Variants in DENND4A observed in about 807,000 individuals in gnomAD.
DENND4A encodes the protein DENN domain containing 4A, also known as C-myc promoter-binding protein.
Under a neutral mutation model 199.3 loss-of-function variants are expected in DENND4A, and 70 were observed. The ratio of observed to expected loss-of-function variants is 0.35; its 90% CI spans 0.29 to 0.43. DENND4A has a LOEUF of 0.43. Ranked by LOEUF, DENND4A falls within the 20% of genes least tolerant of loss-of-function variation. The pLI is 1.00. For missense variants in DENND4A, 1,723 were observed against 2,255.8 expected, an observed-to-expected ratio of 0.76 and a Z score of 4.78; for synonymous variants, 686 against 766.9, an observed-to-expected ratio of 0.89 and a Z score of 1.74.
intron 1 of DENND4A, among the ~76,000 whole-genome samples, chr15:65,776,745 C>T (rs904414328): frequency 6.6e-6 from 1 of 152,060 alleles, no homozygotes; most frequent in Non-Finnish European, 1.5e-5. Context: ...GAACCATGAG[C>T]GAATATATGA....
At chr15:65,720,018 T>C (rs1259446099) in intron 12 of DENND4A, among the ~76,000 whole-genome samples, 2 of 152,208 alleles carry the variant, frequency 1.3e-5, no homozygotes, top group Non-Finnish European at 1.5e-5. Flanking sequence ...TCTGAGGAAC[T>C]GTTCAGAAGG....
intron 1 of DENND4A, among the ~76,000 whole-genome samples, chr15:65,766,112 A>G (rs564343784): frequency 6.6e-6 from 1 of 152,134 alleles, no homozygotes; most frequent in East Asian, 1.9e-4. Context: ...TTAGCCGGAT[A>G]TGGTGGTGCA....
intron 12 of DENND4A, among the ~76,000 whole-genome samples, chr15:65,721,430 G>T (rs553741285): frequency 6.0e-4 from 91 of 151,916 alleles, no homozygotes; most frequent in African/African-American, 2.1e-3. Flanking sequence ...TGCTTATGTT[G>T]TACCTAAACA....
intron 14 of DENND4A, among the ~76,000 whole-genome samples, chr15:65,714,448 T>C (rs1238830017): frequency 6.6e-6 from 1 of 151,830 alleles, no homozygotes; most frequent in African/African-American, 2.4e-5. Flanking sequence ...AAAAACTTTA[T>C]TATCTTTAAT....
At chr15:65,715,165 C>T (rs2140251680) in intron 14 of DENND4A, 1 of 197,686 alleles carries the variant, frequency 5.1e-6, no homozygotes, top group Non-Finnish European at 1.0e-5. Flanking sequence ...GTGAAAATCA[C>T]AGACGTTCAA....
chr15:65,791,280 A>C (rs1006866760), intron 1 of DENND4A, among the ~76,000 whole-genome samples: 96 of 152,102 alleles, frequency 6.3e-4, no homozygotes, highest in Non-Finnish European at 2.8e-4. Context: ...AGCACATTGG[A>C]ACAACAACAA....
At chr15:65,740,933 G>C (rs1379278898) in intron 5 of DENND4A, among the ~76,000 whole-genome samples, 2 of 151,958 alleles carry the variant, frequency 1.3e-5, no homozygotes, top group Admixed American at 6.6e-5. Flanking sequence ...CTGTACTCCA[G>C]CCTGAGCAAC....
At chr15:65,756,070 A>G in intron 3 of DENND4A, 70 bp downstream of exon 3, 1 of 1,318,384 alleles carries the variant, frequency 7.6e-7, no homozygotes. Flanking sequence ...CAGAATGAAC[A>G]GTTAATCTCC....
intron 1 of DENND4A, among the ~76,000 whole-genome samples, chr15:65,790,696 C>T (rs140649604): frequency 6.6e-6 from 1 of 152,016 alleles, no homozygotes; most frequent in Admixed American, 6.6e-5. Context: ...AAAAAAGAAG[C>T]CAAATATAAT....
intron 5 of DENND4A, among the ~76,000 whole-genome samples, chr15:65,740,653 T>C (rs1340182478): frequency 6.7e-6 from 1 of 148,648 alleles, no homozygotes; most frequent in Non-Finnish European, 1.5e-5. Flanking sequence ...AAAAAGGTGA[T>C]AAATTGTAGA....
chr15:65,687,292 G>T (rs949565681), intron 23 of DENND4A, among the ~76,000 whole-genome samples: 6 of 152,060 alleles, frequency 3.9e-5, no homozygotes, highest in Non-Finnish European at 7.4e-5. Context: ...TGTGGGGTAA[G>T]TTCCTTTACT....
rs959599783 is a variant in DENND4A, at chr15:65,789,564, T to C, written c.-102+2446A>G. ...CAGCTATTCTCAGTCACTCTTCTTC[T>C]ACCTGTGGTAGGAAAAAGGAAAAAT... is the stretch of plus-strand genomic sequence containing the variant. On this transcript the variant is annotated intron_variant, in intron 1 of 32. Coordinates refer to ENST00000443035, the MANE Select transcript of DENND4A (RefSeq NM_001320835.1). Among the ~76,000 whole-genome samples, 5 of 151,452 alleles carry C rather than the reference T, an allele frequency of 3.3e-5. No individual in the cohort carries two copies. In the South Asian group the frequency reaches 6.3e-4, roughly 19 times the overall value.
intron 24 of DENND4A, among the ~76,000 whole-genome samples, chr15:65,675,162 G>A (rs756746412): frequency 3.9e-5 from 6 of 152,158 alleles, no homozygotes; most frequent in Admixed American, 6.5e-5. Context: ...GTATGGCCCT[G>A]AGCTAAGAGT....
chr15:65,780,812 G>A (rs1429045568), intron 1 of DENND4A, among the ~76,000 whole-genome samples: 1 of 152,206 alleles, frequency 6.6e-6, no homozygotes, highest in African/African-American at 2.4e-5. Context: ...GAGGTACACA[G>A]AGTTAACACA....
chr15:65,688,317 T>C (rs2076861829), intron 23 of DENND4A, among the ~76,000 whole-genome samples: 1 of 152,352 alleles, frequency 6.6e-6, no homozygotes, highest in South Asian at 2.1e-4. Flanking sequence ...TTTAAAGTTT[T>C]TCCCTGATAC....
In DENND4A at chr15:65,690,628, T is replaced by G. The variant is rs61751115; in HGVS notation, c.3966A>C (p.Arg1322Ser). 3 of 1,613,660 alleles carry G rather than the reference T, an allele frequency of 1.9e-6. No individual in the cohort carries two copies. Among genetic ancestry groups the G allele is most frequent in the Non-Finnish European group, 2.5e-6 (3 of 1,179,730 alleles). The change falls in exon 23 of 33, where the codon AGA (arginine) becomes AGC (serine). Residue 1322 changes from arginine to serine, a missense_variant. Arg to Ser is a moderately radical substitution (Grantham distance 110). This residue lies in a region of DENND4A where 650 missense variants were observed against 738.1 expected (regional missense o/e 0.88). Coordinates refer to ENST00000443035, the MANE Select transcript of DENND4A (RefSeq NM_001320835.1). ...YTKSEEKPRD[R>S]LWSSPAFSPT... Reference sequence around the variant, plus strand: ...GTGAGAAGGCTGGAGAAGACCAAAGTCTATCCCTTGGTTTCTCCTCACTTT... The same window carrying G: ...GTGAGAAGGCTGGAGAAGACCAAAGGCTATCCCTTGGTTTCTCCTCACTTT...
At chr15:65,688,907 G>C (rs1019172000) in intron 23 of DENND4A, among the ~76,000 whole-genome samples, 3 of 152,202 alleles carry the variant, frequency 2.0e-5, no homozygotes, top group Non-Finnish European at 2.9e-5. Flanking sequence ...TGTAATCAGT[G>C]GGAAGGATGG....
intron 4 of DENND4A, among the ~76,000 whole-genome samples, chr15:65,748,993 T>TAA (rs540682428): frequency 2.7e-5 from 3 of 112,876 alleles, no homozygotes; most frequent in Admixed American, 9.5e-5. Context: ...ACCCTGTCTC[T>TAA]AAAAAAAAAA....
rs866819874 is a variant in DENND4A at position 65,737,984 on chromosome 15, A to T, written c.802-39T>A. ...AATATATCCAGTAAATATACTTTGT[A>T]TCATATATCCAAATCACATCATCAG... is the stretch of plus-strand genomic sequence containing the variant. On this transcript the variant is annotated intron_variant, in intron 6 of 32. Transcript: ENST00000443035. 3.9e-6 allele frequency: 6 copies of T among 1,523,204 alleles called. No homozygotes were observed. The African/African-American group carries it at 8.3e-5, about 21-fold the overall frequency. The allele number at this position is 1,523,204 out of a possible 1,614,324, so 94.4% of individuals were successfully genotyped here.
Sources: allele counts gnomAD v4.1 joint callset (sites outside exome capture counted in the v4.1 genomes callset), GRCh38; gene constraint gnomAD v4.1.1; regional missense constraint gnomAD v4.1.1; transcripts MANE v1.5; gene names NCBI Gene and HGNC (gene_info 2026-07-23, HGNC 2026-07-21).